The following VPS36 variants were observed in gnomAD, a reference collection of about 807,000 sequenced individuals.
VPS36 encodes the protein vacuolar protein sorting 36 homolog.
VPS36 carries 31 observed loss-of-function variants against 63.5 expected under a neutral mutation model. The ratio of observed to expected loss-of-function variants is 0.49; its 90% CI spans 0.37 to 0.66. The LOEUF (loss-of-function observed/expected upper bound fraction) is 0.66, where lower values mean the gene tolerates loss of function less well. Among genes scored for constraint, VPS36 ranks in the 30% least tolerant of loss-of-function variants. The probability of loss-of-function intolerance (pLI) is 0.00; values close to 1 mark genes in which losing one functional copy is unlikely to be tolerated. For missense variants in VPS36, 338 were observed against 463.7 expected (o/e 0.73, Z 2.49); for synonymous variants, 138 against 157.2 (o/e 0.88, Z 0.91).
chr13:52,439,412 T>C (rs189184206), intron 2 of VPS36, among the ~76,000 whole-genome samples: 13 of 152,250 alleles, frequency 8.5e-5, no homozygotes, highest in South Asian at 2.1e-4. Flanking sequence ...CTTTTGTTTT[T>C]ACAATGGGTG....
intron 6 of VPS36, among the ~76,000 whole-genome samples, chr13:52,428,331 A>G (rs1446580831): frequency 6.6e-6 from 1 of 152,208 alleles, no homozygotes; most frequent in South Asian, 2.1e-4. Context: ...ATTAACTGAA[A>G]TATCAGTCCA....
chr13:52,436,764 A>G (rs191180122), intron 3 of VPS36, among the ~76,000 whole-genome samples: 64 of 152,346 alleles, frequency 4.2e-4, no homozygotes, highest in African/African-American at 1.1e-3. Flanking sequence ...AATTTCTGCC[A>G]AAGCATACAC....
intron 3 of VPS36, 99 bp downstream of exon 3, chr13:52,438,999 G>T: frequency 9.7e-7 from 1 of 1,028,432 alleles, no homozygotes; most frequent in Non-Finnish European, 1.4e-6. Flanking sequence ...CATGCTTTAA[G>T]AATGGATTCG....
At chr13:52,449,542 G>C (rs753080776) in intron 1 of VPS36, among the ~76,000 whole-genome samples, 1 of 152,182 alleles carries the variant, frequency 6.6e-6, no homozygotes, top group Non-Finnish European at 1.5e-5. Flanking sequence ...GAAAAGCTGA[G>C]TTGAGGAACT....
chr13:52,441,180 A>G (rs1050913873), intron 2 of VPS36, among the ~76,000 whole-genome samples: 5 of 152,182 alleles, frequency 3.3e-5, no homozygotes, highest in Non-Finnish European at 7.3e-5. Context: ...AACAGGGGCA[A>G]TATCAGACCT....
At chr13:52,426,165 T>C (rs910603036) in intron 8 of VPS36, 99 bp from the exon 9 acceptor site, 2 of 1,425,660 alleles carry the variant, frequency 1.4e-6, no homozygotes, top group East Asian at 2.3e-5. Flanking sequence ...TGTCTACATA[T>C]CCCCATTCCT....
intron 3 of VPS36, among the ~76,000 whole-genome samples, chr13:52,437,024 A>AT (rs1272959565): frequency 6.6e-6 from 1 of 151,444 alleles, no homozygotes; most frequent in Non-Finnish European, 1.5e-5. Flanking sequence ...ATACCACTAT[A>AT]TTTGGTCAGC....
Position 52,447,169 on chromosome 13 carries a change from G to A in VPS36, c.96+3330C>T, listed in dbSNP as rs527671693. Among the ~76,000 whole-genome samples the A allele has an allele frequency of 1.8e-3, 279 of 152,104 alleles. 2 individuals are homozygous for A. Among genetic ancestry groups the A allele is most frequent in the African/African-American group, 6.2e-3 (258 of 41,500 alleles). On this transcript the variant is annotated intron_variant, in intron 1 of 13. Coordinates refer to ENST00000378060, the MANE Select transcript of VPS36 (RefSeq NM_016075.4). Reference sequence around the variant, plus strand: ...TGGGATTACAGGCATGAGCCACCACGCCTGGCCCCATGCCATAATTTAATT... The same window carrying A: ...TGGGATTACAGGCATGAGCCACCACACCTGGCCCCATGCCATAATTTAATT...
intron 12 of VPS36, among the ~76,000 whole-genome samples, 157 bp downstream of exon 12, chr13:52,416,900 T>C (rs1957998626): frequency 6.6e-6 from 1 of 152,254 alleles, no homozygotes; most frequent in Non-Finnish European, 1.5e-5. Context: ...TTGGTTAATA[T>C]TGATTCATTG....
intron 6 of VPS36, among the ~76,000 whole-genome samples, chr13:52,431,678 G>A (rs913929417): frequency 2.7e-5 from 4 of 150,588 alleles, no homozygotes; most frequent in Middle Eastern, 3.5e-3. Context: ...CAGGAGAATC[G>A]CTTGAATCCG....
rs865971027 is a variant in VPS36, at chr13:52,446,139, G to A, written c.97-3694C>T. Among the ~76,000 whole-genome samples, 31 of 151,182 alleles carry A rather than the reference G, an allele frequency of 2.1e-4. No homozygotes were observed. The Middle Eastern group carries it at 0.017, about 83-fold the overall frequency. ...AAAATTGCCGGGCGTGGTGGCGGGCGCCTGTAATCCCAGCTACTGGGGAGG... is the reference window on the plus strand; with the variant it reads ...AAAATTGCCGGGCGTGGTGGCGGGCACCTGTAATCCCAGCTACTGGGGAGG... On this transcript the variant is annotated intron_variant, in intron 1 of 13. Coordinates refer to ENST00000378060, the MANE Select transcript of VPS36 (RefSeq NM_016075.4).
intron 10 of VPS36, among the ~76,000 whole-genome samples, chr13:52,422,370 C>G (rs1237033825): frequency 6.6e-6 from 1 of 152,034 alleles, no homozygotes; most frequent in African/African-American, 2.4e-5. Flanking sequence ...CTGATGGACA[C>G]TTAGGTTGAT....
chr13:52,450,279 G>C, intron 1 of VPS36: 1 of 1,147,090 alleles, frequency 8.7e-7, no homozygotes, highest in Non-Finnish European at 1.1e-6. Context: ...CCAAAGTTGG[G>C]ACCCGCGCTG....
chr13:52,445,710 G>A (rs1395809464), intron 1 of VPS36, among the ~76,000 whole-genome samples: 1 of 145,054 alleles, frequency 6.9e-6, no homozygotes, highest in Non-Finnish European at 1.5e-5. Flanking sequence ...GGCCTAGGCG[G>A]GCGGATCACG....
rs1957974304 is a variant in VPS36 at position 52,414,395 on chromosome 13, G to C, written c.*1435C>G. ...TCACCACAATGAAGAGTCAGTGACA[G>C]GTTTGGAAAACAAAAACTAAAGTGG... On this transcript the variant is annotated 3_prime_UTR_variant, in exon 14 of 14. Transcript: ENST00000378060. The C allele has an allele frequency of 6.6e-6, 1 of 152,234 alleles. No homozygotes were observed. The highest frequency in any genetic ancestry group is 2.4e-5 in the African/African-American group (1 of 41,454). The allele number at this position is 152,234 out of a possible 1,614,324, so 9.4% of individuals were successfully genotyped here.
Position 52,436,385 on chromosome 13 carries a change from G to T in VPS36, c.256C>A (p.Leu86Ile). 6.2e-7 allele frequency: 1 copy of T among 1,612,020 alleles called. No homozygotes were observed. The highest frequency in any genetic ancestry group is 1.1e-5 in the South Asian group (1 of 90,428). ...TCTTTGTTAGGAGGAGCTGGGTGAA[G>T]ATGAACCACTATTTTGGCACTGAAG... ...IGKSAKIVVH[L>I]HPAPPNKEPG... The change falls in exon 4 of 14, where the codon CTT becomes ATT. Residue 86 changes from leucine (L) to isoleucine (I), a missense_variant. Physicochemically the swap from Leu to Ile is conservative, Grantham distance 5 (BLOSUM62 2). Transcript: ENST00000378060.
intron 1 of VPS36, among the ~76,000 whole-genome samples, chr13:52,445,024 C>G (rs1470956499): frequency 6.6e-6 from 1 of 152,138 alleles, no homozygotes; most frequent in East Asian, 1.9e-4. Context: ...TTATTAATAG[C>G]ATTAAGTAGT....
chr13:52,415,717 C>A lies in VPS36; in HGVS notation c.*113G>T. The A allele has an allele frequency of 1.0e-6, 1 of 981,310 alleles. No homozygotes were observed. Among genetic ancestry groups the A allele is most frequent in the South Asian group, 1.5e-5 (1 of 66,128 alleles). The allele number at this position is 981,310 out of a possible 1,614,324, so 60.8% of individuals were successfully genotyped here. ...GAAATTAAAAGAGATTTACATTGCACTGTGAAGTTCCAATAAATTCTCAAT... is the reference window on the plus strand; with the variant it reads ...GAAATTAAAAGAGATTTACATTGCAATGTGAAGTTCCAATAAATTCTCAAT... On this transcript the variant is annotated 3_prime_UTR_variant, in exon 14 of 14. Coordinates refer to ENST00000378060, the MANE Select transcript of VPS36 (RefSeq NM_016075.4).
At chr13:52,427,468 G>A (rs1325276333) in intron 6 of VPS36, among the ~76,000 whole-genome samples, 1 of 152,252 alleles carries the variant, frequency 6.6e-6, no homozygotes, top group East Asian at 1.9e-4. Context: ...TTAGCCGGGC[G>A]TGGTGGCGGG....
Sources: allele counts gnomAD v4.1 joint callset (sites outside exome capture counted in the v4.1 genomes callset), GRCh38; gene constraint gnomAD v4.1.1; transcripts MANE v1.5; gene names NCBI Gene and HGNC (gene_info 2026-07-23, HGNC 2026-07-21).